Variants in IGSF11 observed in about 807,000 individuals in gnomAD.
IGSF11 encodes the protein CXADR like 1.
A neutral mutation model predicts 41.0 loss-of-function variants in IGSF11; 22 were observed. The observed-to-expected ratio is 0.54, with a 90% CI of 0.38 to 0.77. The LOEUF (loss-of-function observed/expected upper bound fraction) is 0.77. Ranked by LOEUF, IGSF11 falls within the 30% of genes least tolerant of loss-of-function variation. IGSF11 has a pLI of 0.00. For synonymous variants in IGSF11, 219 were observed against 201.3 expected, an observed-to-expected ratio of 1.09 and a Z score of -0.74; for missense variants, 444 against 530.8, an observed-to-expected ratio of 0.84 and a Z score of 1.61.
chr3:118,944,451 T>C (rs1238680214), intron 1 of IGSF11, among the ~76,000 whole-genome samples: 4 of 132,432 alleles, frequency 3.0e-5, no homozygotes, highest in Non-Finnish European at 6.2e-5. Context: ...TTGCCTTAGC[T>C]TGAAATACAC....
At chr3:119,127,097 T>C (rs1004999933) in intron 1 of IGSF11, among the ~76,000 whole-genome samples, 3 of 152,118 alleles carry the variant, frequency 2.0e-5, no homozygotes, top group East Asian at 3.9e-4. Context: ...TAAAGAAGCA[T>C]GTTCTAACCC....
chr3:119,114,210 T>G (rs576955209), intron 1 of IGSF11, among the ~76,000 whole-genome samples: 3 of 152,364 alleles, frequency 2.0e-5, no homozygotes. Context: ...TCCTCCTTAC[T>G]TATGCAAATT....
chr3:119,035,863 C>T (rs1241527753), upstream of IGSF11, among the ~76,000 whole-genome samples: 2 of 152,166 alleles, frequency 1.3e-5, no homozygotes, highest in African/African-American at 2.4e-5. Flanking sequence ...GTTTCTACAG[C>T]AGCATAAATT....
At chr3:119,078,779 T>C (rs906631764) in intron 1 of IGSF11, among the ~76,000 whole-genome samples, 1 of 152,072 alleles carries the variant, frequency 6.6e-6, no homozygotes, top group African/African-American at 2.4e-5. Flanking sequence ...GCAAACTGAC[T>C]ACCTAAATAA....
chr3:119,007,643 A>C (rs1348044095), intron 1 of IGSF11, among the ~76,000 whole-genome samples: 1 of 151,932 alleles, frequency 6.6e-6, no homozygotes, highest in Non-Finnish European at 1.5e-5. Flanking sequence ...CTTCTCTCCA[A>C]CACCACAGAA....
chr3:118,909,209 A>G (rs1246195188), intron 4 of IGSF11, among the ~76,000 whole-genome samples: 1 of 152,178 alleles, frequency 6.6e-6, no homozygotes, highest in Non-Finnish European at 1.5e-5. Flanking sequence ...CTTAAATCAT[A>G]ATTATATATT....
chr3:119,114,657 A>G (rs1489774726), intron 1 of IGSF11, among the ~76,000 whole-genome samples: 1 of 152,194 alleles, frequency 6.6e-6, no homozygotes, highest in Non-Finnish European at 1.5e-5. Context: ...GAAGTTCCAA[A>G]CTTTCCCTCA....
intron 1 of IGSF11, chr3:118,946,159 C>T (rs1213968045): frequency 6.6e-6 from 1 of 151,206 alleles, no homozygotes; most frequent in Non-Finnish European, 1.5e-5. Flanking sequence ...GATGGGAAGA[C>T]AAAAAATATA....
intron 1 of IGSF11, among the ~76,000 whole-genome samples, chr3:118,996,864 G>A (rs1936323176): frequency 6.6e-6 from 1 of 152,140 alleles, no homozygotes; most frequent in Non-Finnish European, 1.5e-5. Context: ...CTCCCAAAGT[G>A]CTGGGATTAC....
intron 1 of IGSF11, among the ~76,000 whole-genome samples, chr3:119,114,918 A>G (rs2077234817): frequency 1.3e-5 from 2 of 152,150 alleles, no homozygotes; most frequent in South Asian, 2.1e-4. Flanking sequence ...CAGGAAACTT[A>G]TAATCATGAT....
At chr3:119,091,986 GT>G (rs57344479) in intron 1 of IGSF11, among the ~76,000 whole-genome samples, 3 of 85,806 alleles carry the variant, frequency 3.5e-5, no homozygotes, top group Non-Finnish European at 7.6e-5. Context: ...TTGGTTTTTG[GT>G]TTTTTTGGGG....
chr3:119,010,127 G>C (rs1937932413), intron 1 of IGSF11, among the ~76,000 whole-genome samples: 1 of 152,190 alleles, frequency 6.6e-6, no homozygotes, highest in African/African-American at 2.4e-5. Context: ...GGGGCGCTGT[G>C]AAGTGTCAAT....
chr3:118,933,192 A>C lies in IGSF11; in HGVS notation c.53-2917T>G, dbSNP rs372451741. 5.9e-5 allele frequency among the ~76,000 whole-genome samples: 9 copies of C among 152,354 alleles called. No individual in the cohort carries two copies. In the South Asian group the frequency reaches 1.2e-3, roughly 21 times the overall value. On this transcript the variant is annotated intron_variant, in intron 1 of 6. Transcript: ENST00000393775. ...TAGATGAGCTGCTTTCAGAACTTGC[A>C]AAGGTGTAGGTTTGAAACTGTACAA...
intron 1 of IGSF11, among the ~76,000 whole-genome samples, chr3:119,008,556 G>A (rs1042953533): frequency 2.6e-5 from 4 of 152,130 alleles, no homozygotes; most frequent in Non-Finnish European, 4.4e-5. Context: ...AATCAACAGT[G>A]CTAAAAGCTA....
At chr3:118,979,123 T>C (rs546924924) in intron 1 of IGSF11, among the ~76,000 whole-genome samples, 37 of 152,210 alleles carry the variant, frequency 2.4e-4, no homozygotes, top group Middle Eastern at 3.4e-3. Context: ...CTCTCAAGAA[T>C]TCATGGAATG....
chr3:118,939,731 C>A (rs1355437003), intron 1 of IGSF11, among the ~76,000 whole-genome samples: 1 of 152,156 alleles, frequency 6.6e-6, no homozygotes, highest in African/African-American at 2.4e-5. Context: ...GTAACAGCAG[C>A]ATCTAAATGT....
intron 1 of IGSF11, among the ~76,000 whole-genome samples, chr3:118,977,640 C>A (rs1042346218): frequency 1.3e-5 from 2 of 152,152 alleles, no homozygotes; most frequent in East Asian, 3.8e-4. Context: ...TCTTGGAACT[C>A]CCCAGTGTGG....
At chr3:119,029,646 G>A (rs773961750) in intron 1 of IGSF11, among the ~76,000 whole-genome samples, 72 of 152,210 alleles carry the variant, frequency 4.7e-4, no homozygotes, top group African/African-American at 1.7e-3. Context: ...ATACAGAAGA[G>A]AGTGGTTTTA....
upstream of IGSF11, among the ~76,000 whole-genome samples, chr3:119,035,393 C>T (rs80075735): frequency 4.6e-3 from 702 of 152,258 alleles, 8 homozygotes; most frequent in African/African-American, 0.016. Flanking sequence ...GCCTTTTCAC[C>T]TTTCTTCCTT....
Sources: allele counts gnomAD v4.1 joint callset (sites outside exome capture counted in the v4.1 genomes callset), GRCh38; gene constraint gnomAD v4.1.1; transcripts MANE v1.5; gene names NCBI Gene and HGNC (gene_info 2026-07-23, HGNC 2026-07-21).